The following KIF6 variants were observed in gnomAD, a reference collection of about 807,000 sequenced individuals.
KIF6 encodes the protein kinesin family member 6.
Under a neutral mutation model 112.7 loss-of-function variants are expected in KIF6, and 106 were observed. The observed-to-expected ratio is 0.94, with a 90% CI of 0.80 to 1.11. KIF6 has a LOEUF of 1.11. Among genes scored for constraint, KIF6 ranks in the 50% least tolerant of loss-of-function variants. KIF6 has a pLI of 0.00. For synonymous variants in KIF6, 339 were observed against 339.9 expected, an observed-to-expected ratio of 1.00 and a Z score of 0.03; for missense variants, 929 against 964.0, an observed-to-expected ratio of 0.96 and a Z score of 0.48.
intron 16 of KIF6, among the ~76,000 whole-genome samples, chr6:39,364,096 C>CTT (rs56902405): frequency 5.5e-5 from 8 of 145,508 alleles, no homozygotes; most frequent in Non-Finnish European, 7.6e-5. Flanking sequence ...GTGTCTGGAA[C>CTT]TTTTTTTTTT....
intron 10 of KIF6, among the ~76,000 whole-genome samples, chr6:39,573,258 A>C (rs374339393): frequency 6.6e-6 from 1 of 152,110 alleles, no homozygotes; most frequent in Non-Finnish European, 1.5e-5. Context: ...AAGCTGATTC[A>C]CATTCCTGAA....
At chr6:39,416,478 C>G (rs749011502) in intron 15 of KIF6, among the ~76,000 whole-genome samples, 4 of 152,116 alleles carry the variant, frequency 2.6e-5, no homozygotes, top group Non-Finnish European at 5.9e-5. Context: ...AACACAGACT[C>G]TTATTATTTT....
intron 13 of KIF6, among the ~76,000 whole-genome samples, chr6:39,504,129 C>A (rs1358398998): frequency 6.6e-6 from 1 of 152,164 alleles, no homozygotes; most frequent in Non-Finnish European, 1.5e-5. Context: ...CAAACTGAAT[C>A]TGGCAGCACA....
chr6:39,354,896 T>C (rs1035140373), intron 19 of KIF6, among the ~76,000 whole-genome samples: 2 of 152,206 alleles, frequency 1.3e-5, no homozygotes, highest in Non-Finnish European at 2.9e-5. Context: ...TAAAAAATGT[T>C]GGCCAGGTGT....
At chr6:39,558,970 T>C (rs188737135) in intron 10 of KIF6, among the ~76,000 whole-genome samples, 120 of 152,306 alleles carry the variant, frequency 7.9e-4, no homozygotes, top group Non-Finnish European at 1.5e-3. Flanking sequence ...AATGCTTCCA[T>C]AAACTACCCA....
intron 5 of KIF6, among the ~76,000 whole-genome samples, chr6:39,633,712 G>T (rs1013766962): frequency 1.3e-5 from 2 of 152,172 alleles, no homozygotes; most frequent in African/African-American, 4.8e-5. Flanking sequence ...CTCAATGCTG[G>T]TCAGATTGTC....
intron 3 of KIF6, among the ~76,000 whole-genome samples, chr6:39,654,203 C>G (rs1785636395): frequency 6.6e-6 from 1 of 152,144 alleles, no homozygotes; most frequent in Non-Finnish European, 1.5e-5. Flanking sequence ...GAGGACAAGA[C>G]ACCAGGGTGG....
chr6:39,712,913 G>T (rs916956303), intron 3 of KIF6, among the ~76,000 whole-genome samples: 2 of 152,102 alleles, frequency 1.3e-5, no homozygotes, highest in African/African-American at 4.8e-5. Flanking sequence ...TAACAAACCT[G>T]CACGTTGCGC....
chr6:39,421,772 C>T (rs189839277), intron 14 of KIF6, among the ~76,000 whole-genome samples: 23 of 152,288 alleles, frequency 1.5e-4, no homozygotes, highest in African/African-American at 2.9e-4. Flanking sequence ...TCCTCAGCGA[C>T]GGCCTGTCAC....
chr6:39,613,130 G>A lies in KIF6; in HGVS notation c.639+59C>T. ...TTATATCTTTTTTTTTTCTGCCTTG[G>A]CTTCAGATACTGTATCTTATAATGT... On this transcript the variant is annotated intron_variant, in intron 6 of 22. Transcript: ENST00000287152. 2 of 1,309,306 alleles carry A rather than the reference G, an allele frequency of 1.5e-6. 1 individual carries two copies. Among genetic ancestry groups the A allele is most frequent in the South Asian group, 4.1e-5 (2 of 49,162 alleles). 81.1% of individuals were successfully genotyped at this position (1,309,306 alleles called of 1,614,324 possible).
intron 22 of KIF6, among the ~76,000 whole-genome samples, chr6:39,337,228 T>TTTCTTTC (rs1763068739): frequency 2.0e-5 from 2 of 101,160 alleles, no homozygotes; most frequent in Non-Finnish European, 3.4e-5. Flanking sequence ...TCTTTCTTTC[T>TTTCTTTC]TTCTTTCTTT....
intron 21 of KIF6, among the ~76,000 whole-genome samples, chr6:39,344,088 A>G (rs1763526352): frequency 6.6e-6 from 1 of 152,042 alleles, no homozygotes. Context: ...AGCTCCCATA[A>G]TTTCCACGTG....
At chr6:39,594,939 C>A (rs887691305) in intron 7 of KIF6, among the ~76,000 whole-genome samples, 1 of 152,028 alleles carries the variant, frequency 6.6e-6, no homozygotes, top group Non-Finnish European at 1.5e-5. Flanking sequence ...CTTGAGAAAT[C>A]ATCTAATTCA....
intron 15 of KIF6, among the ~76,000 whole-genome samples, chr6:39,419,697 T>C (rs1446809395): frequency 1.3e-5 from 2 of 152,130 alleles, no homozygotes; most frequent in African/African-American, 2.4e-5. Flanking sequence ...AACTCTCTGA[T>C]TGGGATGCTG....
chr6:39,590,935 C>T (rs191803356), intron 7 of KIF6, among the ~76,000 whole-genome samples: 51 of 152,286 alleles, frequency 3.3e-4, no homozygotes, highest in South Asian at 1.0e-3. Flanking sequence ...TAGTTTTTGC[C>T]TATATCTCAG....
intron 3 of KIF6, among the ~76,000 whole-genome samples, chr6:39,714,248 G>T (rs1789706242): frequency 6.6e-6 from 1 of 152,180 alleles, no homozygotes; most frequent in Admixed American, 6.5e-5. Flanking sequence ...AGGTAGAGCA[G>T]GGCCAGCATC....
chr6:39,349,839 G>A (rs900235601), intron 19 of KIF6, among the ~76,000 whole-genome samples: 2 of 151,708 alleles, frequency 1.3e-5, no homozygotes, highest in African/African-American at 4.8e-5. Context: ...AGAGATGAGG[G>A]TTCACCATAT....
chr6:39,508,179 A>G (rs1356736244), intron 13 of KIF6, among the ~76,000 whole-genome samples: 2 of 151,864 alleles, frequency 1.3e-5, no homozygotes, highest in East Asian at 3.9e-4. Context: ...GGTCCCAGGT[A>G]TCACCCACAA....
chr6:39,460,627 A>G (rs1301720133), intron 13 of KIF6, among the ~76,000 whole-genome samples: 1 of 151,790 alleles, frequency 6.6e-6, no homozygotes. Context: ...TTGACAGTAT[A>G]CTTTCTGATA....
Sources: allele counts gnomAD v4.1 joint callset (sites outside exome capture counted in the v4.1 genomes callset), GRCh38; gene constraint gnomAD v4.1.1; transcripts MANE v1.5; gene names NCBI Gene and HGNC (gene_info 2026-07-23, HGNC 2026-07-21).